Variants in ASAP1 observed in about 807,000 individuals in gnomAD.
ASAP1 encodes the protein arf-GAP with SH3 domain, ANK repeat and PH domain-containing protein 1.
In ASAP1, 43 loss-of-function variants were observed where a neutral mutation model predicts 145.2. That is an observed-to-expected ratio of 0.30 (90% CI 0.23 to 0.38). The LOEUF (loss-of-function observed/expected upper bound fraction) is 0.38, where lower values mean the gene tolerates loss of function less well. ASAP1 is among the 10% of genes least tolerant of loss of function. ASAP1 has a pLI of 1.00. For synonymous variants in ASAP1, 546 were observed against 515.5 expected (o/e 1.06, Z -0.80); for missense variants, 1,018 against 1,355.3 (o/e 0.75, Z 3.91).
At chr8:130,413,683 G>C (rs1829358350) in intron 1 of ASAP1, among the ~76,000 whole-genome samples, 1 of 152,120 alleles carries the variant, frequency 6.6e-6, no homozygotes, top group Admixed American at 6.6e-5. Flanking sequence ...ATCTGTGCCT[G>C]CATAAAGTTT....
At position 130,139,027 on chromosome 8, in the gene ASAP1, A is replaced by G. The variant is rs547687135; in HGVS notation, c.1081-1989T>C. Reference sequence around the variant, plus strand: ...ATATAAATGACAATGGCATATGACCACCTGAAAAGGCAGTGACCCAGTTAA... The same window carrying G: ...ATATAAATGACAATGGCATATGACCGCCTGAAAAGGCAGTGACCCAGTTAA... On this transcript the variant is annotated intron_variant, in intron 13 of 29. Coordinates refer to ENST00000518721, the MANE Select transcript of ASAP1 (RefSeq NM_018482.4). 2.0e-5 allele frequency among the ~76,000 whole-genome samples: 3 copies of G among 152,290 alleles called. No homozygotes were observed. The East Asian group carries it at 5.8e-4, about 29-fold the overall frequency.
chr8:130,180,417 C>G (rs989172709), intron 8 of ASAP1, among the ~76,000 whole-genome samples: 1 of 152,160 alleles, frequency 6.6e-6, no homozygotes, highest in Non-Finnish European at 1.5e-5. Flanking sequence ...AAAACATGCT[C>G]TAAACATACA....
chr8:130,363,454 T>C (rs758118947), intron 2 of ASAP1, among the ~76,000 whole-genome samples: 4 of 152,210 alleles, frequency 2.6e-5, no homozygotes, highest in Non-Finnish European at 4.4e-5. Context: ...TTGCTAAGTA[T>C]AGAATTTAGA....
At chr8:130,116,644 G>A (rs1459809954) in intron 22 of ASAP1, 34 bp downstream of exon 22, 1 of 1,581,388 alleles carries the variant, frequency 6.3e-7, no homozygotes, top group Admixed American at 1.7e-5. Flanking sequence ...GGCAGCCAAT[G>A]TCTAATAAAT....
At chr8:130,219,352 T>C (rs1057055577) in intron 4 of ASAP1, among the ~76,000 whole-genome samples, 1 of 149,578 alleles carries the variant, frequency 6.7e-6, no homozygotes, top group Non-Finnish European at 1.5e-5. Context: ...CAAAGAACCA[T>C]GATTCTGGTG....
chr8:130,101,910 A>G (rs936356800), intron 24 of ASAP1, among the ~76,000 whole-genome samples: 1 of 151,896 alleles, frequency 6.6e-6, no homozygotes, highest in African/African-American at 2.4e-5. Flanking sequence ...TTACTGGTGT[A>G]TAGAAACACT....
intron 5 of ASAP1, among the ~76,000 whole-genome samples, chr8:130,200,578 G>A (rs149484284): frequency 0.015 from 2,258 of 152,188 alleles, 30 homozygotes; most frequent in African/African-American, 0.038. Context: ...TTAAAAATAC[G>A]AGAAAAAAGA....
chr8:130,214,483 T>C, intron 5 of ASAP1, 73 bp downstream of exon 5: 1 of 1,368,408 alleles, frequency 7.3e-7, no homozygotes, highest in South Asian at 1.7e-5. Flanking sequence ...GAAGGATTAT[T>C]GAAATGTTCT....
At chr8:130,094,400 T>C (rs2097512686) in intron 24 of ASAP1, among the ~76,000 whole-genome samples, 1 of 152,122 alleles carries the variant, frequency 6.6e-6, no homozygotes, top group South Asian at 2.1e-4. Flanking sequence ...TTTAAATTTT[T>C]AGTAGAGACA....
At chr8:130,112,387 T>G in intron 23 of ASAP1, 65 bp from the exon 24 acceptor site, 1 of 1,440,510 alleles carries the variant, frequency 6.9e-7, no homozygotes, top group East Asian at 2.3e-5. Flanking sequence ...ACAGAGGGCC[T>G]CCGCAGGGCG....
At position 130,300,759 on chromosome 8, in the gene ASAP1, C is replaced by G. The variant is rs984960840; in HGVS notation, c.186+57258G>C. Among the ~76,000 whole-genome samples the G allele has an allele frequency of 2.0e-5, 3 of 152,202 alleles. No homozygotes were observed. In the South Asian group the frequency reaches 6.2e-4, roughly 32 times the overall value. On this transcript the variant is annotated intron_variant, in intron 3 of 29. Transcript: ENST00000518721. ...CTTTATTACCTCCCTCCTTTCTAAA[C>G]AACTGGATTCTTGAAAGCCCAGCAC...
intron 2 of ASAP1, among the ~76,000 whole-genome samples, chr8:130,400,707 C>T (rs1052695784): frequency 5.4e-5 from 8 of 149,016 alleles, no homozygotes; most frequent in African/African-American, 1.2e-4. Context: ...AGGAGAATGG[C>T]GTGAAGCCGG....
chr8:130,073,804 T>C (rs146407982), intron 27 of ASAP1, among the ~76,000 whole-genome samples: 2,512 of 152,308 alleles, frequency 0.016, 54 homozygotes, highest in Admixed American at 0.063. Flanking sequence ...GACAATGCGA[T>C]GGTGTACACC....
At chr8:130,342,030 C>A (rs1586866247) in intron 3 of ASAP1, among the ~76,000 whole-genome samples, 1 of 152,084 alleles carries the variant, frequency 6.6e-6, no homozygotes, top group African/African-American at 2.4e-5. Flanking sequence ...GGCATTTATA[C>A]CTTTGAGTGA....
chr8:130,157,876 T>C (rs1355697484), intron 12 of ASAP1, among the ~76,000 whole-genome samples: 2 of 152,144 alleles, frequency 1.3e-5, no homozygotes, highest in Non-Finnish European at 2.9e-5. Context: ...TCTTTCTCCG[T>C]AGCACTAATT....
chr8:130,407,056 T>C (rs574543214), intron 1 of ASAP1, among the ~76,000 whole-genome samples: 1 of 152,252 alleles, frequency 6.6e-6, no homozygotes, highest in African/African-American at 2.4e-5. Context: ...ATAGCAAGAA[T>C]TAATAAGAGA....
intron 25 of ASAP1, among the ~76,000 whole-genome samples, chr8:130,087,633 A>C (rs1167969337): frequency 1.3e-5 from 2 of 152,196 alleles, no homozygotes; most frequent in Non-Finnish European, 2.9e-5. Flanking sequence ...ATGGATGGCT[A>C]GTGAGACTGG....
chr8:130,265,680 G>A (rs1260164115), intron 3 of ASAP1, among the ~76,000 whole-genome samples: 1 of 151,968 alleles, frequency 6.6e-6, no homozygotes, highest in Non-Finnish European at 1.5e-5. Context: ...TTCAAGACCA[G>A]CGACCAGCTT....
chr8:130,196,713 T>C (rs1815516967), intron 5 of ASAP1, among the ~76,000 whole-genome samples: 1 of 152,198 alleles, frequency 6.6e-6, no homozygotes, highest in African/African-American at 2.4e-5. Flanking sequence ...TCTCCATAAC[T>C]GAAACAGTTT....
Sources: gnomAD v4.1 joint callset for allele counts (sites outside exome capture counted in the v4.1 genomes callset) on GRCh38, gnomAD v4.1.1 for gene constraint, MANE v1.5 for transcripts, NCBI Gene and HGNC (gene_info 2026-07-23, HGNC 2026-07-21) for gene names.